The following COL6A5 variants were observed in gnomAD, a reference collection of about 807,000 sequenced individuals.
COL6A5 encodes the protein collagen alpha-5(VI) chain.
Under a neutral mutation model 65.6 loss-of-function variants are expected in COL6A5, and 48 were observed. That is an observed-to-expected ratio of 0.73 (90% CI 0.58 to 0.93). The LOEUF is 0.93. COL6A5 is among the 40% of genes least tolerant of loss of function. The pLI, the probability that COL6A5 is intolerant of heterozygous loss-of-function variation, is 0.00. For synonymous variants in COL6A5, 291 were observed against 322.8 expected (o/e 0.90, Z 1.05); for missense variants, 914 against 928.3 (o/e 0.98, Z 0.20).
exon 1 of COL6A5, chr3:130,431,760 G>T: frequency 6.4e-7 from 1 of 1,551,576 alleles, no homozygotes; most frequent in Non-Finnish European, 8.7e-7. Context: ...ATGCAATGAG[G>T]TTTGTGACCC....
chr3:130,406,854 T>C (rs1559884771), intron 17 of COL6A5, among the ~76,000 whole-genome samples: 1 of 152,234 alleles, frequency 6.6e-6, no homozygotes, highest in Non-Finnish European at 1.5e-5. Flanking sequence ...TTTGAGCACC[T>C]GTCATTTGAC....
intron 1 of COL6A5, among the ~76,000 whole-genome samples, chr3:130,434,371 A>G (rs964040062): frequency 3.3e-5 from 5 of 152,186 alleles, no homozygotes; most frequent in Admixed American, 6.5e-5. Context: ...TGTCTTTGCT[A>G]TTGTAAATAG....
chr3:130,470,983 C>G lies in COL6A5; in HGVS notation c.2328+16C>G. Reference sequence around the variant, plus strand: ...ACACTGTATTGTGAGTTGAGAAATTCCAAGTTTGGGTAATACCACAACTGG... The same window carrying G: ...ACACTGTATTGTGAGTTGAGAAATTGCAAGTTTGGGTAATACCACAACTGG... On this transcript the variant is annotated intron_variant, in intron 7 of 7. Transcript: ENST00000512836. 1 of 1,584,066 alleles carries G rather than the reference C, an allele frequency of 6.3e-7. No homozygotes were observed. The highest frequency in any genetic ancestry group is 8.7e-7 in the Non-Finnish European group (1 of 1,154,708).
rs1390921423 is a variant in COL6A5 at position 130,382,536 on chromosome 3, A to T, written c.1301-2268A>T. Among the ~76,000 whole-genome samples, 5 of 152,156 alleles carry T rather than the reference A, an allele frequency of 3.3e-5. No homozygotes were observed. In the East Asian group the frequency reaches 9.7e-4, roughly 29 times the overall value. ...TCAGTTGCCCAAGCATCACTCTAAA[A>T]CTACTGAATTGGTCTCTGAGGGTAG... is the stretch of plus-strand genomic sequence containing the variant. On this transcript the variant is annotated intron_variant and NMD_transcript_variant, in intron 4 of 41. Coordinates refer to the COL6A5 transcript ENST00000312481.
chr3:130,393,610 A>T (rs942070246), intron 7 of COL6A5, among the ~76,000 whole-genome samples: 8 of 152,180 alleles, frequency 5.3e-5, no homozygotes, highest in Admixed American at 5.2e-4. Flanking sequence ...TAGTGGTGAG[A>T]TGGAGTTTGG....
chr3:130,413,574 T>A (rs1474751509), exon 21 of COL6A5: 1 of 1,549,096 alleles, frequency 6.5e-7, no homozygotes, highest in Admixed American at 2.0e-5. Context: ...GACTCCGAGG[T>A]GTCTCAGTAA....
rs977072703 is a variant in COL6A5, at chr3:130,384,022, A to G, written c.1301-782A>G. Among the ~76,000 whole-genome samples, 3 of 152,112 alleles carry G rather than the reference A, an allele frequency of 2.0e-5. 1 individual carries two copies. Among genetic ancestry groups the G allele is most frequent in the Middle Eastern group, 3.2e-3 (1 of 316 alleles). ...CTTCAGAAAGTAACATAAAGAAAATAAACACTGTAAGAAGATAGACAATGA... is the reference window on the plus strand; with the variant it reads ...CTTCAGAAAGTAACATAAAGAAAATGAACACTGTAAGAAGATAGACAATGA... On this transcript the variant is annotated intron_variant and NMD_transcript_variant, in intron 4 of 41. Coordinates refer to the COL6A5 transcript ENST00000312481.
chr3:130,450,883 G>A (rs999401247), intron 4 of COL6A5, among the ~76,000 whole-genome samples: 1 of 152,050 alleles, frequency 6.6e-6, no homozygotes, highest in Non-Finnish European at 1.5e-5. Context: ...AACTATTGGA[G>A]CCTGTGAGCT....
upstream of COL6A5, among the ~76,000 whole-genome samples, chr3:130,429,392 A>G (rs1937699394): frequency 6.6e-6 from 1 of 152,220 alleles, no homozygotes; most frequent in African/African-American, 2.4e-5. Context: ...CTAACAAATT[A>G]ATAAAATTCT....
rs1709965672 is a variant in COL6A5, at chr3:130,472,025, A to G, written c.2328+1058A>G. ...AGTTAGAATTCACTGGGAGAGGTAG[A>G]GATGACAGGATGAGGATAAAAGAGG... On this transcript the variant is annotated intron_variant, in intron 7 of 7. Coordinates refer to ENST00000512836, the Ensembl canonical transcript of COL6A5. 4 of 1,169,588 alleles carry G rather than the reference A, an allele frequency of 3.4e-6. No individual in the cohort carries two copies. The East Asian group carries it at 1.0e-4, about 30-fold the overall frequency. The allele number at this position is 1,169,588 out of a possible 1,614,324, so 72.5% of individuals were successfully genotyped here. A position where few individuals can be genotyped will look rare whatever the true frequency, so the allele number is the denominator to read the frequency against.
intron 22 of COL6A5, among the ~76,000 whole-genome samples, chr3:130,415,233 T>A (rs1553753031): frequency 6.6e-6 from 1 of 152,168 alleles, no homozygotes; most frequent in Non-Finnish European, 1.5e-5. Context: ...GATAGAGGTC[T>A]GCTGCTAAGA....
chr3:130,414,120 C>G (rs781522445), exon 22 of COL6A5: 2 of 1,549,968 alleles, frequency 1.3e-6, no homozygotes, highest in African/African-American at 2.7e-5. Flanking sequence ...TGAAGGATTA[C>G]AAGGCCCACA....
At chr3:130,347,961 A>C (rs577890203) in intron 1 of COL6A5, among the ~76,000 whole-genome samples, 2 of 152,296 alleles carry the variant, frequency 1.3e-5, no homozygotes, top group South Asian at 4.2e-4. Context: ...CTGGTGGTGC[A>C]TGTGGCAGTT....
intron 1 of COL6A5, among the ~76,000 whole-genome samples, chr3:130,358,805 G>C (rs1455316733): frequency 6.6e-6 from 1 of 152,042 alleles, no homozygotes; most frequent in Non-Finnish European, 1.5e-5. Flanking sequence ...CATTCGTTTT[G>C]ACCCCAAATT....
intron 2 of COL6A5, 119 bp downstream of exon 2, chr3:130,373,824 T>G: frequency 1.5e-6 from 1 of 681,788 alleles, no homozygotes; most frequent in Non-Finnish European, 2.5e-6. Context: ...CATTTAGTAA[T>G]TGTTATACAA....
chr3:130,383,414 T>G (rs947147069), intron 4 of COL6A5, among the ~76,000 whole-genome samples: 3 of 152,076 alleles, frequency 2.0e-5, no homozygotes, highest in African/African-American at 7.2e-5. Flanking sequence ...TTTCTCTCCC[T>G]CATTGCTAAT....
chr3:130,366,891 T>C (rs1405862940), intron 1 of COL6A5, among the ~76,000 whole-genome samples: 1 of 152,226 alleles, frequency 6.6e-6, no homozygotes, highest in East Asian at 1.9e-4. Flanking sequence ...TGACCTTTAC[T>C]GACCTTACAA....
At chr3:130,353,617 CA>C (rs1368192549) in intron 1 of COL6A5, among the ~76,000 whole-genome samples, 1 of 150,628 alleles carries the variant, frequency 6.6e-6, no homozygotes, top group African/African-American at 2.4e-5. Context: ...GGAAAAAAAT[CA>C]CATAGAATGC....
At chr3:130,413,562 G>A (rs180974994) in exon 21 of COL6A5, 2 of 1,549,166 alleles carry the variant, frequency 1.3e-6, no homozygotes, top group East Asian at 2.4e-5. Context: ...AAGGTCAAAG[G>A]GGACTCCGAG....
Sources: allele counts gnomAD v4.1 joint callset (sites outside exome capture counted in the v4.1 genomes callset), GRCh38; gene constraint gnomAD v4.1.1; transcripts MANE v1.5; gene names NCBI Gene and HGNC (gene_info 2026-07-23, HGNC 2026-07-21).